The following VPS13A variants were observed in gnomAD, a reference collection of about 807,000 sequenced individuals.
The protein encoded by VPS13A is intermembrane lipid transfer protein VPS13A.
In VPS13A, 264 loss-of-function variants were observed where a neutral mutation model predicts 390.9. The ratio of observed to expected loss-of-function variants is 0.68; its 90% CI spans 0.61 to 0.75. The LOEUF (loss-of-function observed/expected upper bound fraction) is 0.75. VPS13A is among the 30% of genes least tolerant of loss of function. VPS13A has a pLI of 0.00. For missense variants in VPS13A, 3,409 were observed against 3,733.9 expected (o/e 0.91, Z 2.27); for synonymous variants, 1,231 against 1,227.1 (o/e 1.00, Z -0.07).
intron 31 of VPS13A, among the ~76,000 whole-genome samples, chr9:77,285,457 T>A (rs574750684): frequency 6.6e-6 from 1 of 152,298 alleles, no homozygotes; most frequent in African/African-American, 2.4e-5. Context: ...GACCTGATAG[T>A]CTCATGAAAA....
chr9:77,266,366 T>C (rs1315568866), intron 23 of VPS13A, among the ~76,000 whole-genome samples: 2 of 152,222 alleles, frequency 1.3e-5, no homozygotes, highest in Non-Finnish European at 2.9e-5. Flanking sequence ...TTCTGTCTTC[T>C]TGATCTGTCT....
chr9:77,406,143 G>GAAAA (rs11325886), intron 70 of VPS13A, among the ~76,000 whole-genome samples, 156 bp downstream of exon 70: 1 of 139,654 alleles, frequency 7.2e-6, no homozygotes, highest in Non-Finnish European at 1.6e-5. Flanking sequence ...AGGCTTAAAG[G>GAAAA]AAAAAAAAAA....
chr9:77,397,801 A>G (rs1834178950), intron 68 of VPS13A, among the ~76,000 whole-genome samples: 1 of 152,220 alleles, frequency 6.6e-6, no homozygotes, highest in African/African-American at 2.4e-5. Context: ...AGATTCTGAC[A>G]ATTGTATATA....
In VPS13A at chr9:77,345,755, C is replaced by T. The variant is rs1831113458; in HGVS notation, c.7289+613C>T. Among the ~76,000 whole-genome samples, 4 of 152,068 alleles carry T rather than the reference C, an allele frequency of 2.6e-5. No homozygotes were observed. The South Asian group carries it at 8.3e-4, about 31-fold the overall frequency. The stretch of plus-strand genomic sequence containing the variant: ...TTCACCTGTTACTTTTCAACAAGCA[C>T]ATATTTATCATTGCACTTCCACTTT... On this transcript the variant is annotated intron_variant, in intron 52 of 71. Transcript: ENST00000360280.
intron 67 of VPS13A, among the ~76,000 whole-genome samples, chr9:77,379,214 A>G (rs1002776841): frequency 6.0e-5 from 9 of 149,790 alleles, no homozygotes; most frequent in African/African-American, 1.5e-4. Flanking sequence ...CTGGGATTAC[A>G]GGCACACACC....
At position 77,212,700 on chromosome 9, in the gene VPS13A, G is replaced by A. The variant is rs183261065; in HGVS notation, c.556-269G>A. Among the ~76,000 whole-genome samples, 230 of 152,270 alleles carry A rather than the reference G, an allele frequency of 1.5e-3. 1 individual carries two copies. Among genetic ancestry groups the A allele is most frequent in the African/African-American group, 5.3e-3 (221 of 41,542 alleles). ...TAAGTTAAATGAGTTATGAGTTTTA[G>A]AAGTTAAATGAGTATTTAACTTCTG... is the stretch of plus-strand genomic sequence containing the variant. On this transcript the variant is annotated intron_variant, in intron 7 of 71. Transcript: ENST00000360280.
chr9:77,304,123 T>C (rs1457984139), intron 34 of VPS13A, among the ~76,000 whole-genome samples: 1 of 152,162 alleles, frequency 6.6e-6, no homozygotes, highest in Admixed American at 6.5e-5. Flanking sequence ...TCCCTGCGGC[T>C]TTCCACAGTG....
intron 10 of VPS13A, among the ~76,000 whole-genome samples, chr9:77,215,226 T>A (rs921409405): frequency 1.3e-5 from 2 of 152,210 alleles, no homozygotes; most frequent in Admixed American, 1.3e-4. Context: ...ATTATTGAAT[T>A]TGCATGCCTG....
chr9:77,363,630 G>C (rs1019194737), intron 59 of VPS13A, among the ~76,000 whole-genome samples: 1 of 150,272 alleles, frequency 6.7e-6, no homozygotes, highest in East Asian at 2.0e-4. Context: ...GTGTTTTTTT[G>C]TTCTGACCTC....
intron 53 of VPS13A, 26 bp downstream of exon 53, chr9:77,351,472 C>T (rs1831462204): frequency 6.2e-7 from 1 of 1,610,040 alleles, no homozygotes; most frequent in Non-Finnish European, 8.5e-7. Flanking sequence ...TTATGGTGTT[C>T]CCAGCAGCCT....
rs1308626152 is a variant in VPS13A at position 77,293,401 on chromosome 9, A to G, written c.3400A>G (p.Thr1134Ala). The G allele has an allele frequency of 1.9e-6, 3 of 1,613,446 alleles. No homozygotes were observed. Among genetic ancestry groups the G allele is most frequent in the South Asian group, 1.1e-5 (1 of 91,020 alleles). The change falls in exon 32 of 72, where the codon ACT becomes GCT. Residue 1134 changes from threonine (T) to alanine (A), a missense_variant. By Grantham distance (58) the Thr-to-Ala change is moderately conservative. Transcript: ENST00000360280. ...CAAAATGGTTTCTTACATGGATGCAACTGCTGGTTCTGCATACACAGATAT... is the reference window on the plus strand; with the variant it reads ...CAAAATGGTTTCTTACATGGATGCAGCTGCTGGTTCTGCATACACAGATAT... ...SFKMVSYMDA[T>A]AGSAYTDMNV... is the part of the protein sequence containing the mutation.
intron 10 of VPS13A, among the ~76,000 whole-genome samples, chr9:77,215,100 A>G (rs969717375): frequency 6.6e-6 from 1 of 152,208 alleles, no homozygotes; most frequent in Non-Finnish European, 1.5e-5. Flanking sequence ...AGATCACGCC[A>G]CTGCACTCCA....
chr9:77,204,880 T>C (rs1825547180), intron 3 of VPS13A, among the ~76,000 whole-genome samples: 1 of 152,106 alleles, frequency 6.6e-6, no homozygotes, highest in Non-Finnish European at 1.5e-5. Context: ...CCACCTGCCT[T>C]AGCTTCCCAA....
At chr9:77,220,592 C>G (rs1402829794) in intron 12 of VPS13A, among the ~76,000 whole-genome samples, 1 of 152,050 alleles carries the variant, frequency 6.6e-6, no homozygotes, top group Admixed American at 6.6e-5. Context: ...CAGTTTACAA[C>G]TCGAGATGCT....
chr9:77,359,793 G>C (rs1386737434), intron 58 of VPS13A, among the ~76,000 whole-genome samples: 1 of 150,676 alleles, frequency 6.6e-6, no homozygotes, highest in African/African-American at 2.4e-5. Context: ...ACTCCAGCCT[G>C]GGTGACAGAG....
intron 71 of VPS13A, among the ~76,000 whole-genome samples, chr9:77,410,073 C>T (rs550319180): frequency 1.2e-3 from 176 of 152,242 alleles, no homozygotes; most frequent in Non-Finnish European, 2.3e-3. Flanking sequence ...CAAAGGGAAG[C>T]CCATCAGACT....
At position 77,359,760 on chromosome 9, in the gene VPS13A, G is replaced by C. The variant is rs530585440; in HGVS notation, c.8105+358G>C. Among the ~76,000 whole-genome samples the C allele has an allele frequency of 3.4e-5, 5 of 148,264 alleles. No homozygotes were observed. In the East Asian group the frequency reaches 1.0e-3, roughly 31 times the overall value. On this transcript the variant is annotated intron_variant, in intron 58 of 71. Coordinates refer to ENST00000360280, the MANE Select transcript of VPS13A (RefSeq NM_033305.3). ...TTGAACCCAGGAGGCAGAGCTTGCA[G>C]TTAGCTGAGATCACACCACTGCACT... is the stretch of plus-strand genomic sequence containing the variant.
chr9:77,209,602 T>C, intron 6 of VPS13A, 70 bp downstream of exon 6: 1 of 948,634 alleles, frequency 1.1e-6, no homozygotes, highest in Non-Finnish European at 1.6e-6. Flanking sequence ...TAATGACACC[T>C]ACTTTTTAAT....
At chr9:77,212,755 G>C (rs1304810832) in intron 7 of VPS13A, among the ~76,000 whole-genome samples, 1 of 152,190 alleles carries the variant, frequency 6.6e-6, no homozygotes, top group Non-Finnish European at 1.5e-5. Flanking sequence ...GAAGTTGCCT[G>C]TTTCTTTGTT....
Sources: allele counts gnomAD v4.1 joint callset (sites outside exome capture counted in the v4.1 genomes callset), GRCh38; gene constraint gnomAD v4.1.1; transcripts MANE v1.5; gene names NCBI Gene and HGNC (gene_info 2026-07-23, HGNC 2026-07-21).